SORBS2: variants seen among roughly 807,000 people sequenced by gnomAD.
SORBS2 encodes sorbin and SH3 domain containing 2.
A neutral mutation model predicts 97.7 loss-of-function variants in SORBS2; 46 were observed. That is an observed-to-expected ratio of 0.47 (90% confidence interval 0.37 to 0.60). SORBS2 has a LOEUF of 0.60. Among genes scored for constraint, SORBS2 ranks in the 20% least tolerant of loss-of-function variants. The pLI is 0.00. For synonymous variants in SORBS2, 476 were observed against 473.4 expected, an observed-to-expected ratio of 1.01 and a Z score of -0.07; for missense variants, 1,316 against 1,282.3, an observed-to-expected ratio of 1.03 and a Z score of -0.40.
chr4:185,594,205 T>G (rs1381910370), intron 12 of SORBS2, among the ~76,000 whole-genome samples: 1 of 152,232 alleles, frequency 6.6e-6, no homozygotes, highest in Non-Finnish European at 1.5e-5. Context: ...AGTCAGGGTT[T>G]GGTCCCATTG....
chr4:185,917,785 A>G (rs2099258966), intron 1 of SORBS2, among the ~76,000 whole-genome samples: 1 of 152,038 alleles, frequency 6.6e-6, no homozygotes, highest in South Asian at 2.1e-4. Flanking sequence ...ACTGGGGGAC[A>G]CCCTACTGGT....
chr4:185,803,924 T>A (rs75338460), intron 1 of SORBS2, among the ~76,000 whole-genome samples: 2 of 152,212 alleles, frequency 1.3e-5, no homozygotes, highest in Non-Finnish European at 2.9e-5. Flanking sequence ...TGCCTTCTCA[T>A]ATTTTTATTA....
intron 4 of SORBS2, among the ~76,000 whole-genome samples, chr4:185,669,772 C>A (rs1024927099): frequency 6.6e-5 from 10 of 152,132 alleles, no homozygotes; most frequent in Non-Finnish European, 4.4e-5. Context: ...GAGTCTGGGT[C>A]TGGCGTTTTT....
At chr4:185,722,461 C>T (rs1042993472) in intron 2 of SORBS2, among the ~76,000 whole-genome samples, 3 of 152,112 alleles carry the variant, frequency 2.0e-5, no homozygotes, top group Non-Finnish European at 2.9e-5. Context: ...TAGTTTAACA[C>T]GAAGCAGCTA....
intron 1 of SORBS2, among the ~76,000 whole-genome samples, chr4:185,925,202 T>G (rs1201274318): frequency 1.3e-5 from 2 of 152,246 alleles, no homozygotes; most frequent in African/African-American, 2.4e-5. Context: ...CTGAGGCCAC[T>G]TTGGACTTTT....
chr4:185,760,847 A>T (rs965567090), intron 2 of SORBS2, among the ~76,000 whole-genome samples: 8 of 152,258 alleles, frequency 5.3e-5, no homozygotes, highest in Admixed American at 3.3e-4. Context: ...AATGTGACTG[A>T]GGACAAGGAG....
chr4:185,904,497 C>T (rs1454129066), intron 1 of SORBS2, among the ~76,000 whole-genome samples: 1 of 152,170 alleles, frequency 6.6e-6, no homozygotes, highest in Non-Finnish European at 1.5e-5. Context: ...GCCTCCCTGC[C>T]TGTGGTACTT....
intron 2 of SORBS2, among the ~76,000 whole-genome samples, chr4:185,769,204 A>T (rs1190818090): frequency 4.6e-5 from 7 of 152,254 alleles, no homozygotes; most frequent in Non-Finnish European, 1.0e-4. Flanking sequence ...ATCCTGCGTC[A>T]TCTTGGGGAC....
intron 1 of SORBS2, among the ~76,000 whole-genome samples, chr4:185,919,794 G>A (rs866757219): frequency 1.2e-4 from 19 of 152,168 alleles, no homozygotes; most frequent in South Asian, 2.1e-4. Context: ...TTTTTACTTC[G>A]CTCATATCTT....
Position 185,802,274 on chromosome 4 carries a change from C to T in SORBS2, c.-337-26908G>A, listed in dbSNP as rs147878158. ...TTCTATCTTAAATTACAGTAACTAG[C>T]GTTCCTGTCTTCCTGCACTAAATTG... On this transcript the variant is annotated intron_variant, in intron 1 of 20. Transcript: ENST00000284776. 3.7e-3 allele frequency among the ~76,000 whole-genome samples: 560 copies of T among 152,310 alleles called. 6 individuals are homozygous for T. The highest frequency in any genetic ancestry group is 0.017 in the South Asian group (83 of 4,826).
intron 1 of SORBS2, among the ~76,000 whole-genome samples, chr4:185,781,745 A>G (rs1482576038): frequency 2.6e-5 from 4 of 152,078 alleles, no homozygotes; most frequent in Non-Finnish European, 4.4e-5. Context: ...TGCCTCATCC[A>G]GGGCCCTGGC....
At chr4:185,785,616 T>C (rs762030539) in intron 1 of SORBS2, among the ~76,000 whole-genome samples, 2 of 152,228 alleles carry the variant, frequency 1.3e-5, no homozygotes, top group Non-Finnish European at 2.9e-5. Context: ...CTTCTTGGGC[T>C]TCAGTTCTCT....
At chr4:185,721,793 T>C (rs2098516944) in intron 2 of SORBS2, among the ~76,000 whole-genome samples, 1 of 151,990 alleles carries the variant, frequency 6.6e-6, no homozygotes, top group African/African-American at 2.4e-5. Flanking sequence ...ACATGAGGAG[T>C]GGCACTGCTC....
At chr4:185,605,433 A>T (rs986666166) in intron 12 of SORBS2, among the ~76,000 whole-genome samples, 2 of 133,014 alleles carry the variant, frequency 1.5e-5, no homozygotes, top group African/African-American at 2.8e-5. Flanking sequence ...CAGGCACCCA[A>T]CACCATGTCT....
chr4:185,900,905 A>G (rs2099247405), intron 1 of SORBS2, among the ~76,000 whole-genome samples: 2 of 152,298 alleles, frequency 1.3e-5, no homozygotes, highest in East Asian at 1.9e-4. Flanking sequence ...AGGCAGTGCA[A>G]TTATCAAGTT....
At chr4:185,744,110 CT>C (rs1485903460) in intron 2 of SORBS2, among the ~76,000 whole-genome samples, 14 of 148,088 alleles carry the variant, frequency 9.5e-5, no homozygotes, top group Admixed American at 3.4e-4. Flanking sequence ...TCTTCTCCCC[CT>C]CCTCCTCCTT....
chr4:185,881,272 G>C (rs2099236746), intron 1 of SORBS2, among the ~76,000 whole-genome samples: 3 of 152,060 alleles, frequency 2.0e-5, no homozygotes, highest in Admixed American at 2.0e-4. Flanking sequence ...TGGGAAAGGA[G>C]ATTAAAGAAA....
At chr4:185,747,316 G>T (rs2098768272) in intron 2 of SORBS2, among the ~76,000 whole-genome samples, 1 of 152,196 alleles carries the variant, frequency 6.6e-6, no homozygotes, top group South Asian at 2.1e-4. Flanking sequence ...ACTTTGTTAT[G>T]GAAGCCCAAG....
chr4:185,611,766 G>A lies in SORBS2; in HGVS notation c.2796+14C>T. ...CTTCCAATATTACATTAACATGATA[G>A]AGTATGTTCTTACCTTATTTGAGCT... is the stretch of plus-strand genomic sequence containing the variant. On this transcript the variant is annotated intron_variant, in intron 12 of 14. Coordinates refer to ENST00000418609, the Ensembl canonical transcript of SORBS2. The A allele has an allele frequency of 6.2e-7, 1 of 1,600,376 alleles. No individual in the cohort carries two copies. The highest frequency in any genetic ancestry group is 8.6e-7 in the Non-Finnish European group (1 of 1,167,836).
Sources: allele counts gnomAD v4.1 joint callset (sites outside exome capture counted in the v4.1 genomes callset), GRCh38; gene constraint gnomAD v4.1.1; transcripts MANE v1.5; gene names NCBI Gene and HGNC (gene_info 2026-07-23, HGNC 2026-07-21).